The following KDM5B variants were observed in gnomAD, a reference collection of about 807,000 sequenced individuals.
The protein encoded by KDM5B is lysine demethylase 5B.
KDM5B carries 144 observed loss-of-function variants against 193.4 expected under a neutral mutation model. That is an observed-to-expected ratio of 0.74 (90% confidence interval 0.65 to 0.86). The LOEUF is 0.86. KDM5B is among the 40% of genes least tolerant of loss of function. KDM5B has a pLI of 0.00. For missense variants in KDM5B, 1,833 were observed against 1,886.9 expected, an observed-to-expected ratio of 0.97 and a Z score of 0.53; for synonymous variants, 668 against 682.6, an observed-to-expected ratio of 0.98 and a Z score of 0.33.
Position 202,746,507 on chromosome 1 carries a change from T to A in KDM5B, c.2017-184A>T, listed in dbSNP as rs1655567585. ...CCTAGCAAATACAGGCAAGTTCATT[T>A]GTCTAGGGAGATCTCCTTTTTCAGA... is the stretch of plus-strand genomic sequence containing the variant. On this transcript the variant is annotated intron_variant, in intron 14 of 26. Coordinates refer to ENST00000367265, the MANE Select transcript of KDM5B (RefSeq NM_006618.5). 11 of 491,514 alleles carry A rather than the reference T, an allele frequency of 2.2e-5. No homozygotes were observed. In the South Asian group the frequency reaches 4.8e-4, roughly 21 times the overall value. 30.4% of individuals were successfully genotyped at this position (491,514 alleles called of 1,614,324 possible).
Position 202,730,139 on chromosome 1 carries a change from C to T in KDM5B, c.4177-112G>A, listed in dbSNP as rs577267111. 9.8e-5 allele frequency: 96 copies of T among 981,636 alleles called. No individual in the cohort carries two copies. In the South Asian group the frequency reaches 1.1e-3, roughly 11 times the overall value. The allele number at this position is 981,636 out of a possible 1,614,324, so 60.8% of individuals were successfully genotyped here. On this transcript the variant is annotated intron_variant, in intron 25 of 26. Coordinates refer to ENST00000367265, the MANE Select transcript of KDM5B (RefSeq NM_006618.5). ...AAATCAGATGATCCCCCAATCTACA[C>T]GGGAAAAAAATACTGCATCTTAACC... is the stretch of plus-strand genomic sequence containing the variant.
At chr1:202,802,228 C>T (rs12137732) in intron 1 of KDM5B, among the ~76,000 whole-genome samples, 28,195 of 152,068 alleles carry the variant, frequency 0.19, 2,991 homozygotes, top group Middle Eastern at 0.28. Context: ...TTTAGGGGCA[C>T]GGGCTTTCCC....
rs936706508 is a variant in KDM5B, at chr1:202,735,512, T to G, written c.3340A>C (p.Asn1114His). 3 of 1,613,988 alleles carry G rather than the reference T, an allele frequency of 1.9e-6. No homozygotes were observed. Among genetic ancestry groups the G allele is most frequent in the African/African-American group, 2.7e-5 (2 of 74,908 alleles). ...AATTTGGTGCTTTTTTTCTTTCCAT[T>G]TGGCAAGGGCTCCTTTAACTTTCTC... ...KQRKLKEPLPNGKKKSTKLES... is the reference protein window; with the variant it reads ...KQRKLKEPLPHGKKKSTKLES... The change falls in exon 22 of 27, where the codon AAT becomes CAT. Residue 1114 changes from asparagine (N) to histidine (H), a missense_variant. This residue lies in a region of KDM5B where 1,379 missense variants were observed against 1,349.6 expected (regional missense o/e 1.02). Coordinates refer to ENST00000367265, the MANE Select transcript of KDM5B (RefSeq NM_006618.5).
At chr1:202,793,612 T>C (rs1049725041) in intron 1 of KDM5B, among the ~76,000 whole-genome samples, 3 of 152,216 alleles carry the variant, frequency 2.0e-5, no homozygotes, top group Admixed American at 6.5e-5. Flanking sequence ...ATGGAACACA[T>C]GCCAGAAACC....
intron 1 of KDM5B, among the ~76,000 whole-genome samples, chr1:202,791,773 C>T: frequency 6.6e-6 from 1 of 152,162 alleles, no homozygotes; most frequent in East Asian, 1.9e-4. Flanking sequence ...GGCTGGAGTG[C>T]AGTGGCGCGA....
At chr1:202,807,459 T>G (rs1571467471) in intron 1 of KDM5B, among the ~76,000 whole-genome samples, 3 of 103,656 alleles carry the variant, frequency 2.9e-5, no homozygotes, top group Non-Finnish European at 5.8e-5. Context: ...GGCCGCCCCC[T>G]TCTTGACCCC....
rs1447557465 is a variant in KDM5B, at chr1:202,768,582, T to C, written c.577-1522A>G. ...TTTCTAATAGTTAAGAAATATGATATACTATTAAAAACTGACTCATTACTT... is the reference window on the plus strand; with the variant it reads ...TTTCTAATAGTTAAGAAATATGATACACTATTAAAAACTGACTCATTACTT... On this transcript the variant is annotated intron_variant, in intron 4 of 26. Transcript: ENST00000367265. Among the ~76,000 whole-genome samples, 4 of 152,280 alleles carry C rather than the reference T, an allele frequency of 2.6e-5. No homozygotes were observed. In the East Asian group the frequency reaches 5.8e-4, roughly 22 times the overall value.
intron 1 of KDM5B, among the ~76,000 whole-genome samples, chr1:202,794,718 G>A (rs1305020497): frequency 6.6e-6 from 1 of 152,186 alleles, no homozygotes; most frequent in East Asian, 1.9e-4. Flanking sequence ...CAATAGAAAT[G>A]TAGCATATGG....
chr1:202,778,762 A>G (rs867252731), intron 1 of KDM5B, among the ~76,000 whole-genome samples: 36 of 152,108 alleles, frequency 2.4e-4, no homozygotes, highest in African/African-American at 8.5e-4. Flanking sequence ...AGCTGGGATT[A>G]CAGGCATGTG....
At chr1:202,770,353 A>G (rs1558503668) in intron 4 of KDM5B, among the ~76,000 whole-genome samples, 3 of 152,156 alleles carry the variant, frequency 2.0e-5, no homozygotes, top group African/African-American at 7.2e-5. Context: ...GGAACAGTGC[A>G]TCAACTTTTC....
chr1:202,778,932 T>C (rs891145084), intron 1 of KDM5B, among the ~76,000 whole-genome samples: 1 of 152,106 alleles, frequency 6.6e-6, no homozygotes, highest in Non-Finnish European at 1.5e-5. Flanking sequence ...TAGATCTCTA[T>C]TTACTAATGT....
chr1:202,725,744 C>A lies in KDM5B; in HGVS notation c.*3292G>T, dbSNP rs922170063. 7 of 152,246 alleles carry A rather than the reference C, an allele frequency of 4.6e-5. No individual in the cohort carries two copies. Among genetic ancestry groups the A allele is most frequent in the African/African-American group, 1.4e-4 (6 of 41,454 alleles). The allele number at this position is 152,246 out of a possible 1,614,324, so 9.4% of individuals were successfully genotyped here. ...AGTTAGTCTGATAATGAATAACCAG[C>A]TCTGGCTTAATGCTTTACAATGGGC... On this transcript the variant is annotated 3_prime_UTR_variant, in exon 27 of 27. Transcript: ENST00000367265.
At chr1:202,753,640 T>A (rs1421941191) in intron 11 of KDM5B, among the ~76,000 whole-genome samples, 2 of 151,400 alleles carry the variant, frequency 1.3e-5, no homozygotes, top group Non-Finnish European at 2.9e-5. Context: ...TGCAGACACC[T>A]AGAATTTCTC....
At chr1:202,753,675 G>GTTT (rs35243011) in intron 11 of KDM5B, among the ~76,000 whole-genome samples, 2 of 87,362 alleles carry the variant, frequency 2.3e-5, no homozygotes, top group Non-Finnish European at 2.3e-5. Context: ...TTTTTTTTTT[G>GTTT]TTTTTTTTTT....
intron 8 of KDM5B, among the ~76,000 whole-genome samples, chr1:202,759,698 T>TA (rs1461140193): frequency 2.6e-5 from 4 of 152,162 alleles, no homozygotes; most frequent in African/African-American, 9.7e-5. Context: ...TACTAATAAT[T>TA]ACTTATATAA....
chr1:202,756,901 T>C (rs1656032975), intron 9 of KDM5B, among the ~76,000 whole-genome samples: 1 of 152,202 alleles, frequency 6.6e-6, no homozygotes, highest in South Asian at 2.1e-4. Context: ...TTGAGATGCT[T>C]TCAAATACAT....
At chr1:202,766,224 G>C (rs1411468626) in intron 5 of KDM5B, among the ~76,000 whole-genome samples, 4 of 151,910 alleles carry the variant, frequency 2.6e-5, no homozygotes, top group Admixed American at 2.0e-4. Flanking sequence ...AAAAGGAAGA[G>C]GCTGGGTGAG....
chr1:202,745,783 T>C, intron 16 of KDM5B, 75 bp downstream of exon 16: 1 of 1,541,744 alleles, frequency 6.5e-7, no homozygotes, highest in Non-Finnish European at 9.0e-7. Flanking sequence ...AAGAAATGTT[T>C]TGTTGACTTT....
At chr1:202,753,110 A>T in intron 11 of KDM5B, 43 bp from the exon 12 acceptor site, 1 of 1,552,304 alleles carries the variant, frequency 6.4e-7, no homozygotes, top group Non-Finnish European at 8.8e-7. Context: ...CAACACCAAC[A>T]CAAACAAAAT....
Sources: gnomAD v4.1 joint callset for allele counts (sites outside exome capture counted in the v4.1 genomes callset) on GRCh38, gnomAD v4.1.1 for gene constraint, gnomAD v4.1.1 regional missense constraint, MANE v1.5 for transcripts, NCBI Gene and HGNC (gene_info 2026-07-23, HGNC 2026-07-21) for gene names.